Variants in APCDD1 observed in about 807,000 individuals in gnomAD.
APCDD1 encodes APC down-regulated 1.
APCDD1 carries 15 observed loss-of-function variants against 38.1 expected under a neutral mutation model. The observed-to-expected ratio is 0.39, with a 90% CI of 0.26 to 0.61. The LOEUF (loss-of-function observed/expected upper bound fraction) is 0.61, where lower values mean the gene tolerates loss of function less well. Ranked by LOEUF, APCDD1 falls within the 20% of genes least tolerant of loss-of-function variation. The pLI, the probability that APCDD1 is intolerant of heterozygous loss-of-function variation, is 0.49. For missense variants in APCDD1, 647 were observed against 696.2 expected (o/e 0.93, Z 0.79); for synonymous variants, 261 against 279.7 (o/e 0.93, Z 0.67).
At position 10,476,384 on chromosome 18, in the gene APCDD1, A is replaced by T. The variant is rs549022457; in HGVS notation, c.774+4323A>T. 10 of 152,306 alleles carry T rather than the reference A, an allele frequency of 6.6e-5. No homozygotes were observed. Among genetic ancestry groups the T allele is most frequent in the Admixed American group, 2.0e-4 (3 of 15,298 alleles). The allele number at this position is 152,306 out of a possible 1,614,324, so 9.4% of individuals were successfully genotyped here. ...GGTGTGCTGGGAGGGTTCATTCAGGATGGAACTGGCTACTCTTCATTATAA... is the reference window on the plus strand; with the variant it reads ...GGTGTGCTGGGAGGGTTCATTCAGGTTGGAACTGGCTACTCTTCATTATAA... On this transcript the variant is annotated intron_variant, in intron 3 of 4. Transcript: ENST00000355285. This position sits in a 1 kb window ranked among gnomAD's most constrained non-coding sequence, Gnocchi z 5.8.
rs2031274557 is a variant in APCDD1, at chr18:10,487,570, C to T, written c.1097-20C>T. On this transcript the variant is annotated intron_variant, in intron 4 of 4. Coordinates refer to ENST00000355285, the MANE Select transcript of APCDD1 (RefSeq NM_153000.5). ...ACGCCTACTCCCTGGAGTCATGGAA[C>T]TCTCCTTTCTCCTTTGCAGTGAATC... 2 of 1,613,122 alleles carry T rather than the reference C, an allele frequency of 1.2e-6. No homozygotes were observed. Among genetic ancestry groups the T allele is most frequent in the South Asian group, 2.2e-5 (2 of 91,076 alleles).
chr18:10,464,159 T>G (rs1266637208), intron 1 of APCDD1, among the ~76,000 whole-genome samples: 1 of 152,148 alleles, frequency 6.6e-6, no homozygotes, highest in Non-Finnish European at 1.5e-5. Flanking sequence ...CCCGTGTGAC[T>G]CTAGTCTTAT....
Position 10,485,856 on chromosome 18 carries a change from T to G in APCDD1, c.1096+73T>G. ...TGTGACATTTTTGTGGAGGCAGAGCTGAGGGAAAGGACCTCTTTTCTGCCT... is the reference window on the plus strand; with the variant it reads ...TGTGACATTTTTGTGGAGGCAGAGCGGAGGGAAAGGACCTCTTTTCTGCCT... On this transcript the variant is annotated intron_variant, in intron 4 of 4. Coordinates refer to ENST00000355285, the MANE Select transcript of APCDD1 (RefSeq NM_153000.5). This position sits in a 1 kb window ranked among gnomAD's most constrained non-coding sequence, Gnocchi z 5.8. The G allele has an allele frequency of 5.3e-6, 8 of 1,518,906 alleles. No homozygotes were observed. Among genetic ancestry groups the G allele is most frequent in the Non-Finnish European group, 6.3e-6 (7 of 1,115,782 alleles). The allele number at this position is 1,518,906 out of a possible 1,614,324, so 94.1% of individuals were successfully genotyped here.
chr18:10,487,453 T>C, intron 4 of APCDD1, 137 bp from the exon 5 acceptor site: 2 of 820,430 alleles, frequency 2.4e-6, no homozygotes, highest in Non-Finnish European at 2.0e-6. Context: ...TGCTGTCAGA[T>C]GGGTGGGTCT....
chr18:10,466,755 AAC>A (rs1233409520), intron 1 of APCDD1, among the ~76,000 whole-genome samples: 1 of 152,174 alleles, frequency 6.6e-6, no homozygotes, highest in Non-Finnish European at 1.5e-5. Context: ...GAATAATAAC[AAC>A]ACTAGGCAGA....
intron 1 of APCDD1, among the ~76,000 whole-genome samples, chr18:10,461,548 T>C (rs2143512466): frequency 6.6e-6 from 1 of 152,312 alleles, no homozygotes; most frequent in South Asian, 2.1e-4. Flanking sequence ...TCTGTACCTG[T>C]ATAGTAGCTA....
chr18:10,474,166 C>G (rs1006970075), intron 3 of APCDD1: 2 of 152,328 alleles, frequency 1.3e-5, no homozygotes, highest in Non-Finnish European at 2.9e-5. Context: ...TCCAGTGATC[C>G]GCCCGCCTTG....
chr18:10,465,544 C>G (rs1183642213), intron 1 of APCDD1, among the ~76,000 whole-genome samples: 1 of 152,214 alleles, frequency 6.6e-6, no homozygotes. Context: ...AACTGCAACT[C>G]CATATTTTCT....
chr18:10,485,314 C>T lies in APCDD1; in HGVS notation c.775-148C>T. ...ACATCACTCTCACCTCTGTCTGTGC[C>T]CGGAGCATGATTCCAGTTGGTTCTT... On this transcript the variant is annotated intron_variant, in intron 3 of 4. Transcript: ENST00000355285. This position sits in a 1 kb window ranked among gnomAD's most constrained non-coding sequence, Gnocchi z 5.8. 2 of 841,178 alleles carry T rather than the reference C, an allele frequency of 2.4e-6. No individual in the cohort carries two copies. Among genetic ancestry groups the T allele is most frequent in the Non-Finnish European group, 4.0e-6 (2 of 502,828 alleles). The allele number at this position is 841,178 out of a possible 1,614,324, so 52.1% of individuals were successfully genotyped here. A position where few individuals can be genotyped will look rare whatever the true frequency, so the allele number is the denominator to read the frequency against.
rs2030325259 is a variant in APCDD1 at position 10,454,823 on chromosome 18, C to G, written c.-159C>G. ...CCCAGAGAGCGCGCGCCCCGCAGCC[C>G]CGCGCCTAGCCCGCCGGGCATGGGG... is the stretch of plus-strand genomic sequence containing the variant. On this transcript the variant is annotated 5_prime_UTR_variant, in exon 1 of 5. Coordinates refer to ENST00000355285, the MANE Select transcript of APCDD1 (RefSeq NM_153000.5). The G allele has an allele frequency of 1.8e-5, 18 of 991,996 alleles. No individual in the cohort carries two copies. Among genetic ancestry groups the G allele is most frequent in the Non-Finnish European group, 2.2e-5 (18 of 835,892 alleles). 61.4% of individuals were successfully genotyped at this position (991,996 alleles called of 1,614,324 possible).
chr18:10,471,463 C>G lies in APCDD1; in HGVS notation c.243-67C>G. ...TTATTATTTCTGTAATTTCTTAATA[C>G]TATAATGAATCTCTTTCCCATACCT... On this transcript the variant is annotated intron_variant, in intron 2 of 4. Coordinates refer to ENST00000355285, the MANE Select transcript of APCDD1 (RefSeq NM_153000.5). The surrounding 1 kb of genome is among the most constrained non-coding windows in gnomAD (Gnocchi z 5.5). 6.3e-7 allele frequency: 1 copy of G among 1,593,450 alleles called. No individual in the cohort carries two copies. Among genetic ancestry groups the G allele is most frequent in the Non-Finnish European group, 8.6e-7 (1 of 1,162,602 alleles).
At chr18:10,484,253 T>C (rs944737954) in intron 3 of APCDD1, among the ~76,000 whole-genome samples, 2 of 152,242 alleles carry the variant, frequency 1.3e-5, no homozygotes, top group African/African-American at 2.4e-5. Flanking sequence ...CGCGTGTGCT[T>C]GCTGCTCCGC....
chr18:10,455,639 G>A (rs1277399306), intron 1 of APCDD1, among the ~76,000 whole-genome samples: 3 of 152,132 alleles, frequency 2.0e-5, no homozygotes, highest in Non-Finnish European at 4.4e-5. Flanking sequence ...AGAAACAGGG[G>A]ACCCCTATTA....
chr18:10,454,646 G>A lies in APCDD1; in HGVS notation c.-336G>A. On this transcript the variant is annotated 5_prime_UTR_variant, in exon 1 of 5. Transcript: ENST00000355285. ...CGCGCTGGAAATATGAAGAGACGCT[G>A]CAGCTGCGGTGGCGGTGGCGGCCAC... is the stretch of plus-strand genomic sequence containing the variant. The A allele has an allele frequency of 1.1e-5, 11 of 1,046,556 alleles. No individual in the cohort carries two copies. The highest frequency in any genetic ancestry group is 1.3e-5 in the Non-Finnish European group (11 of 868,208). The allele number at this position is 1,046,556 out of a possible 1,614,324, so 64.8% of individuals were successfully genotyped here. A position where few individuals can be genotyped will look rare whatever the true frequency, so the allele number is the denominator to read the frequency against.
rs1212872841 is a variant in APCDD1 at position 10,472,251 on chromosome 18, A to G, written c.774+190A>G. 6.6e-6 allele frequency among the ~76,000 whole-genome samples: 1 copy of G among 152,164 alleles called. No homozygotes were observed. Among genetic ancestry groups the G allele is most frequent in the Non-Finnish European group, 1.5e-5 (1 of 68,028 alleles). On this transcript the variant is annotated intron_variant, in intron 3 of 4. Coordinates refer to ENST00000355285, the MANE Select transcript of APCDD1 (RefSeq NM_153000.5). This position sits in a 1 kb window ranked among gnomAD's most constrained non-coding sequence, Gnocchi z 6.6. ...GGGGCTGAGGGTGCTTTAGCCAGTC[A>G]GGAGACCTGGGTCTGCCACCAACTT...
intron 1 of APCDD1, among the ~76,000 whole-genome samples, chr18:10,459,626 C>T (rs2030478716): frequency 6.6e-6 from 1 of 152,144 alleles, no homozygotes; most frequent in South Asian, 2.1e-4. Context: ...AAAACAAGAA[C>T]TTGATAAGCA....
chr18:10,458,409 C>A (rs1234711279), intron 1 of APCDD1, among the ~76,000 whole-genome samples: 1 of 152,134 alleles, frequency 6.6e-6, no homozygotes, highest in African/African-American at 2.4e-5. Flanking sequence ...AAATAGAAAT[C>A]TTTGAAAAAC....
At position 10,469,213 on chromosome 18, in the gene APCDD1, C is replaced by T. The variant is rs746658289; in HGVS notation, c.242+561C>T. On this transcript the variant is annotated intron_variant, in intron 2 of 4. Transcript: ENST00000355285. This position sits in a 1 kb window ranked among gnomAD's most constrained non-coding sequence, Gnocchi z 5.5. ...TAAAAATAGCCGAGAGGCAGATCTG[C>T]GATTTTTTTTTTCTACCCATTAGAT... 1.3e-5 allele frequency among the ~76,000 whole-genome samples: 2 copies of T among 152,066 alleles called. No individual in the cohort carries two copies. Among genetic ancestry groups the T allele is most frequent in the South Asian group, 2.1e-4 (1 of 4,830 alleles).
chr18:10,472,874 G>C lies in APCDD1; in HGVS notation c.774+813G>C, dbSNP rs372317053. Among the ~76,000 whole-genome samples, 2 of 152,128 alleles carry C rather than the reference G, an allele frequency of 1.3e-5. No individual in the cohort carries two copies. The highest frequency in any genetic ancestry group is 2.9e-5 in the Non-Finnish European group (2 of 68,018). ...TAGAGTACACGTCCATGTGTAACTC[G>C]ATCACCTCCACCATCTCCCCGCAGA... On this transcript the variant is annotated intron_variant, in intron 3 of 4. Transcript: ENST00000355285. The surrounding 1 kb of genome is among the most constrained non-coding windows in gnomAD (Gnocchi z 6.6).
Sources: allele counts gnomAD v4.1 joint callset (sites outside exome capture counted in the v4.1 genomes callset), GRCh38; gene constraint gnomAD v4.1.1; non-coding constraint Gnocchi (gnomAD v3.1); transcripts MANE v1.5; gene names NCBI Gene and HGNC (gene_info 2026-07-23, HGNC 2026-07-21).